Variants in ZFAND3 observed in about 807,000 individuals in gnomAD.
The protein encoded by ZFAND3 is zinc finger AN1-type containing 3.
Under a neutral mutation model 29.6 loss-of-function variants are expected in ZFAND3, and 10 were observed. The ratio of observed to expected loss-of-function variants is 0.34; its 90% CI spans 0.21 to 0.57. The LOEUF is 0.57. ZFAND3 is among the 20% of genes least tolerant of loss of function. The pLI, the probability that ZFAND3 is intolerant of heterozygous loss-of-function variation, is 0.86. For missense variants in ZFAND3, 230 were observed against 304.5 expected (o/e 0.76, Z 1.82); for synonymous variants, 128 against 112.6 (o/e 1.14, Z -0.87).
In ZFAND3 at chr6:38,095,266, A is replaced by G. The variant is rs565982505; in HGVS notation, c.361+12809A>G. 7.2e-5 allele frequency among the ~76,000 whole-genome samples: 11 copies of G among 152,324 alleles called. No homozygotes were observed. The South Asian group carries it at 2.3e-3, about 32-fold the overall frequency. ...TAGCATCTGTGAGCCATTGCATAAG[A>G]ATCTCTGAGCCATGGAAAAAGAATG... On this transcript the variant is annotated intron_variant, in intron 4 of 5. Coordinates refer to ENST00000287218, the MANE Select transcript of ZFAND3 (RefSeq NM_021943.3).
chr6:38,097,992 C>T (rs1765016111), intron 4 of ZFAND3, among the ~76,000 whole-genome samples: 1 of 152,176 alleles, frequency 6.6e-6, no homozygotes, highest in African/African-American at 2.4e-5. Context: ...TTTGTCCTTT[C>T]TTAAGAAAAT....
intron 5 of ZFAND3, among the ~76,000 whole-genome samples, chr6:38,136,035 G>T (rs763388800): frequency 6.6e-6 from 1 of 152,184 alleles, no homozygotes; most frequent in Non-Finnish European, 1.5e-5. Context: ...GACTAGAAAT[G>T]TCTGGAAATG....
intron 2 of ZFAND3, among the ~76,000 whole-genome samples, chr6:37,963,216 G>T (rs1241974736): frequency 6.6e-6 from 1 of 152,178 alleles, no homozygotes; most frequent in Non-Finnish European, 1.5e-5. Context: ...ACACCAAGTA[G>T]ATTTAACCCA....
intron 2 of ZFAND3, among the ~76,000 whole-genome samples, chr6:37,957,715 CTACCCTT>C (rs1465952824): frequency 7.9e-5 from 12 of 152,078 alleles, no homozygotes; most frequent in African/African-American, 2.7e-4. Flanking sequence ...TGGTAGAACT[CTACCCTT>C]AGTTGTTTTC....
intron 2 of ZFAND3, among the ~76,000 whole-genome samples, chr6:37,977,770 G>GTTTT (rs1213067308): frequency 5.5e-5 from 6 of 108,908 alleles, no homozygotes; most frequent in East Asian, 2.7e-4. Flanking sequence ...GGTTTGCTGA[G>GTTTT]TTTTTTGTTT....
intron 1 of ZFAND3, among the ~76,000 whole-genome samples, chr6:37,887,182 T>G (rs535851903): frequency 6.6e-6 from 1 of 152,354 alleles, no homozygotes; most frequent in East Asian, 1.9e-4. Context: ...AATGTCATTC[T>G]AAGTATGAAT....
chr6:38,145,230 AG>A (rs755737992), intron 5 of ZFAND3, among the ~76,000 whole-genome samples: 15 of 152,240 alleles, frequency 9.9e-5, no homozygotes, highest in Non-Finnish European at 1.8e-4. Context: ...GACTTGGTTC[AG>A]CTGCCCTCTG....
intron 2 of ZFAND3, 42 bp from the exon 3 acceptor site, chr6:38,061,551 C>T: frequency 6.2e-7 from 1 of 1,609,298 alleles, no homozygotes; most frequent in South Asian, 1.1e-5. Context: ...TCCTCAGAGA[C>T]TGTGAACTCC....
chr6:37,861,856 A>G (rs1341453889), intron 1 of ZFAND3, among the ~76,000 whole-genome samples: 3 of 152,324 alleles, frequency 2.0e-5, no homozygotes, highest in East Asian at 3.9e-4. Flanking sequence ...CACTGTTTTT[A>G]GAGCCTTGTA....
chr6:38,143,389 G>A (rs1016892145), intron 5 of ZFAND3, among the ~76,000 whole-genome samples: 3 of 152,220 alleles, frequency 2.0e-5, no homozygotes, highest in Admixed American at 6.5e-5. Flanking sequence ...GCGATGTGAC[G>A]GCACATGCCA....
At position 37,860,588 on chromosome 6, in the gene ZFAND3, A is replaced by G. The variant is rs761161266; in HGVS notation, c.71+40572A>G. On this transcript the variant is annotated intron_variant, in intron 1 of 5. Coordinates refer to ENST00000287218, the MANE Select transcript of ZFAND3 (RefSeq NM_021943.3). ...AATTGATTGCATTATGTCTTTCCTC[A>G]TTTGGACTTGTTTGCAGTGATGTTT... is the stretch of plus-strand genomic sequence containing the variant. Among the ~76,000 whole-genome samples, 3 of 148,292 alleles carry G rather than the reference A, an allele frequency of 2.0e-5. 1 individual carries two copies. The highest frequency in any genetic ancestry group is 4.2e-4 in the South Asian group (2 of 4,760).
At chr6:38,067,413 C>T (rs1764367745) in intron 3 of ZFAND3, among the ~76,000 whole-genome samples, 3 of 152,300 alleles carry the variant, frequency 2.0e-5, no homozygotes, top group African/African-American at 7.2e-5. Flanking sequence ...TTATCTTGCC[C>T]AAGATCACAG....
intron 2 of ZFAND3, among the ~76,000 whole-genome samples, chr6:37,957,178 C>T (rs1199074307): frequency 2.6e-5 from 4 of 152,208 alleles, no homozygotes; most frequent in African/African-American, 9.7e-5. Flanking sequence ...AAGTTCCCCC[C>T]CTTTCTTCCT....
intron 3 of ZFAND3, among the ~76,000 whole-genome samples, chr6:38,069,859 G>A (rs1462834116): frequency 6.6e-6 from 1 of 152,116 alleles, no homozygotes; most frequent in Non-Finnish European, 1.5e-5. Context: ...CCAGATTAAA[G>A]CAAAACCATG....
intron 5 of ZFAND3, among the ~76,000 whole-genome samples, chr6:38,118,717 G>A (rs1003944879): frequency 2.7e-5 from 4 of 146,424 alleles, no homozygotes; most frequent in Admixed American, 6.9e-5. Flanking sequence ...CAGCTTTGAC[G>A]CAGACTACCT....
intron 1 of ZFAND3, among the ~76,000 whole-genome samples, chr6:37,925,457 C>T (rs1438736261): frequency 6.6e-6 from 1 of 152,106 alleles, no homozygotes; most frequent in African/African-American, 2.4e-5. Flanking sequence ...AATCCCAGCA[C>T]TTTGGGAGGC....
At chr6:38,083,546 A>G (rs896707550) in intron 4 of ZFAND3, among the ~76,000 whole-genome samples, 3 of 152,168 alleles carry the variant, frequency 2.0e-5, no homozygotes, top group Admixed American at 6.6e-5. Context: ...CAGAGAGCCA[A>G]CTACCTGCCC....
intron 2 of ZFAND3, among the ~76,000 whole-genome samples, chr6:37,943,225 A>G (rs989185784): frequency 2.0e-5 from 3 of 152,190 alleles, no homozygotes; most frequent in Non-Finnish European, 2.9e-5. Flanking sequence ...GTTTGAAGAG[A>G]CGATCATTGT....
intron 1 of ZFAND3, among the ~76,000 whole-genome samples, chr6:37,876,598 G>A (rs991412586): frequency 6.6e-6 from 1 of 152,146 alleles, no homozygotes; most frequent in Non-Finnish European, 1.5e-5. Context: ...ATGATCAGAG[G>A]TAATGAGATA....
Sources: allele counts gnomAD v4.1 joint callset (sites outside exome capture counted in the v4.1 genomes callset), GRCh38; gene constraint gnomAD v4.1.1; transcripts MANE v1.5; gene names NCBI Gene and HGNC (gene_info 2026-07-23, HGNC 2026-07-21).